The following OR5M11 variants were observed in gnomAD, a reference collection of about 807,000 sequenced individuals.
The protein encoded by OR5M11 is olfactory receptor 5M11.
For missense variants in OR5M11, 411 were observed against 375.8 expected (o/e 1.09, Z -0.77); for synonymous variants, 183 against 147.7 (o/e 1.24, Z -1.73).
Position 56,542,978 on chromosome 11 carries a change from C to G in OR5M11, c.280G>C (p.Ala94Pro), listed in dbSNP as rs1852856395. Residue 94 changes from alanine to proline, a missense_variant, in exon 1 of 1, where the codon GCT becomes CCT. Physicochemically the swap from Ala to Pro is conservative, Grantham distance 27. Coordinates refer to ENST00000528616, the MANE Select transcript of OR5M11 (RefSeq NM_001005245.1). ...ATGTAGCACTGTGTAAAGCAACCAG[C>G]AAAGGAAATGGTCTTCTCAGATACG... ...NIVSEKTISF[A>P]GCFTQCYIFI... The G allele has an allele frequency of 6.2e-7, 1 of 1,613,882 alleles. No individual in the cohort carries two copies. The highest frequency in any genetic ancestry group is 8.5e-7 in the Non-Finnish European group (1 of 1,179,946).
In OR5M11 at chr11:56,543,143, G is replaced by C. The variant is rs749106831; in HGVS notation, c.115C>G (p.Leu39Val). Residue 39 changes from leucine (L) to valine (V), a missense_variant, in exon 1 of 1, where the codon CTG becomes GTG. By Grantham distance (32) the Leu-to-Val change is conservative. Transcript: ENST00000528616. ...VLFLVVYLVT[L>V]LGNLGMIMLM... ...ATTATCATGCCCAGGTTGCCTAGCA[G>C]GGTGACGAGGTAAACAACCAGAAAC... is the stretch of plus-strand genomic sequence containing the variant. The C allele has an allele frequency of 1.2e-6, 2 of 1,613,794 alleles. No homozygotes were observed. Among genetic ancestry groups the C allele is most frequent in the African/African-American group, 2.7e-5 (2 of 74,910 alleles).
Position 56,542,916 on chromosome 11 carries a change from C to T in OR5M11, c.342G>A (p.Leu114=), listed in dbSNP as rs1852855470. 1 of 1,613,956 alleles carries T rather than the reference C, an allele frequency of 6.2e-7. No individual in the cohort carries two copies. The highest frequency in any genetic ancestry group is 8.5e-7 in the Non-Finnish European group (1 of 1,179,986). The change falls in exon 1 of 1, where the codon CTG becomes CTA. Residue 114 remains leucine, a synonymous_variant. Transcript: ENST00000528616. ...CATAGCGGTCATAGGCCATTGCTGC[C>T]AGCATGTAAAACTCAGTGAGTAGAA... is the stretch of plus-strand genomic sequence containing the variant. ...IALLLTEFYM[L]AAMAYDRYVA...
In OR5M11 at chr11:56,542,977, G is replaced by A. The variant is rs1852856360; in HGVS notation, c.281C>T (p.Ala94Val). 6.2e-7 allele frequency: 1 copy of A among 1,613,950 alleles called. No homozygotes were observed. Among genetic ancestry groups the A allele is most frequent in the South Asian group, 1.1e-5 (1 of 91,088 alleles). Reference protein sequence around the residue: ...NIVSEKTISFAGCFTQCYIFI... With the variant: ...NIVSEKTISFVGCFTQCYIFI... ...AATGTAGCACTGTGTAAAGCAACCA[G>A]CAAAGGAAATGGTCTTCTCAGATAC... The change falls in exon 1 of 1, where the codon GCT (alanine) becomes GTT (valine). Residue 94 changes from alanine to valine, a missense_variant. Coordinates refer to ENST00000528616, the MANE Select transcript of OR5M11 (RefSeq NM_001005245.1).
chr11:56,542,567 C>T lies in OR5M11; in HGVS notation c.691G>A (p.Glu231Lys), dbSNP rs1852847747. The T allele has an allele frequency of 1.9e-6, 3 of 1,614,008 alleles. No homozygotes were observed. In the East Asian group the frequency reaches 6.7e-5, roughly 36 times the overall value. The change falls in exon 1 of 1, where the codon GAG (glutamate) becomes AAG (lysine). Residue 231 changes from glutamate to lysine, a missense_variant. By Grantham distance (56) the Glu-to-Lys change is moderately conservative. Transcript: ENST00000528616. The part of the protein sequence containing the change: ...LAAILRIKSA[E>K]GRHKAFSTCG... ...GTGGAGAATGCCTTGTGCCTTCCCT[C>T]TGCTGATTTGATCCGGAGGATGGCA...
chr11:56,542,898 G>A lies in OR5M11; in HGVS notation c.360C>T (p.Asp120=), dbSNP rs1852855297. 6.2e-7 allele frequency: 1 copy of A among 1,614,038 alleles called. No individual in the cohort carries two copies. The highest frequency in any genetic ancestry group is 1.3e-5 in the African/African-American group (1 of 75,028). The part of the protein sequence containing the change: ...EFYMLAAMAY[D]RYVAIYDPLR... ...GAGGGTCATATATGGCCACATAGCG[G>A]TCATAGGCCATTGCTGCCAGCATGT... The change falls in exon 1 of 1, where the codon GAC becomes GAT. Residue 120 remains aspartate, a synonymous_variant. Transcript: ENST00000528616.
In OR5M11 at chr11:56,543,132, G is replaced by A. The variant is rs200286526; in HGVS notation, c.126C>T (p.Asn42=). The A allele has an allele frequency of 4.5e-5, 72 of 1,613,798 alleles. No homozygotes were observed. The Middle Eastern group carries it at 4.9e-4, about 11-fold the overall frequency. The part of the protein sequence containing the change: ...LVVYLVTLLG[N]LGMIMLMRLD... ...GTCTCATTAACATTATCATGCCCAGGTTGCCTAGCAGGGTGACGAGGTAAA... is the reference window on the plus strand; with the variant it reads ...GTCTCATTAACATTATCATGCCCAGATTGCCTAGCAGGGTGACGAGGTAAA... The change falls in exon 1 of 1, where the codon AAC becomes AAT. Residue 42 remains asparagine, a synonymous_variant. Transcript: ENST00000528616.
rs116068549 is a variant in OR5M11 at position 56,542,897 on chromosome 11, G to C, written c.361C>G (p.Arg121Gly). The change falls in exon 1 of 1, where the codon CGC becomes GGC. Residue 121 changes from arginine to glycine, a missense_variant. Arg to Gly is a moderately radical substitution (Grantham distance 125). Transcript: ENST00000528616. ...FYMLAAMAYD[R>G]YVAIYDPLRY... ...AGAGGGTCATATATGGCCACATAGC[G>C]GTCATAGGCCATTGCTGCCAGCATG... 1 of 1,613,990 alleles carries C rather than the reference G, an allele frequency of 6.2e-7. No homozygotes were observed. The highest frequency in any genetic ancestry group is 1.1e-5 in the South Asian group (1 of 91,078).
At position 56,542,842 on chromosome 11, in the gene OR5M11, A is replaced by G; in HGVS notation, c.416T>C (p.Val139Ala). ...LRYSVKTSRR[V>A]CICLATFPYV... is the part of the protein sequence containing the mutation. ...GGGAAATGTGGCCAAGCAGATGCAA[A>G]CTCTCCTGGACGTTTTCACACTGTA... is the stretch of plus-strand genomic sequence containing the variant. Residue 139 changes from valine (V) to alanine (A), a missense_variant, in exon 1 of 1, where the codon GTT becomes GCT. By Grantham distance (64) the Val-to-Ala change is moderately conservative (BLOSUM62 0). Coordinates refer to ENST00000528616, the MANE Select transcript of OR5M11 (RefSeq NM_001005245.1). 5 of 1,613,790 alleles carry G rather than the reference A, an allele frequency of 3.1e-6. No individual in the cohort carries two copies. Among genetic ancestry groups the G allele is most frequent in the Non-Finnish European group, 4.2e-6 (5 of 1,179,906 alleles).
rs1232629852 is a variant in OR5M11, at chr11:56,542,925, A to AAACTCAGTG, written c.324_332dup (p.Thr109_Phe111dup). The AAACTCAGTG allele has an allele frequency of 4.3e-6, 7 of 1,613,962 alleles. No homozygotes were observed. In the Admixed American group the frequency reaches 5.0e-5, roughly 12 times the overall value. ...CATAGGCCATTGCTGCCAGCATGTA[A>AAACTCAGTG]AACTCAGTGAGTAGAAGGGCAATGA... is the stretch of plus-strand genomic sequence containing the variant. On this transcript the variant is annotated inframe_insertion, in exon 1 of 1. Coordinates refer to ENST00000528616, the MANE Select transcript of OR5M11 (RefSeq NM_001005245.1).
chr11:56,543,117 C>A lies in OR5M11; in HGVS notation c.141G>T (p.Met47Ile). The change falls in exon 1 of 1, where the codon ATG (methionine) becomes ATT (isoleucine). Residue 47 changes from methionine (M) to isoleucine (I), a missense_variant. Transcript: ENST00000528616. ...VTLLGNLGMIMLMRLDSRLHT... is the reference protein window; with the variant it reads ...VTLLGNLGMIILMRLDSRLHT... ...GAAGGCGAGAGTCCAGTCTCATTAA[C>A]ATTATCATGCCCAGGTTGCCTAGCA... 6.2e-7 allele frequency: 1 copy of A among 1,613,992 alleles called. No individual in the cohort carries two copies. Among genetic ancestry groups the A allele is most frequent in the South Asian group, 1.1e-5 (1 of 91,084 alleles).
Position 56,542,842 on chromosome 11 carries a change from A to T in OR5M11, c.416T>A (p.Val139Asp). The change falls in exon 1 of 1, where the codon GTT becomes GAT. Residue 139 changes from valine (V) to aspartate (D), a missense_variant. Transcript: ENST00000528616. Reference protein sequence around the residue: ...LRYSVKTSRRVCICLATFPYV... With the variant: ...LRYSVKTSRRDCICLATFPYV... ...GGGAAATGTGGCCAAGCAGATGCAA[A>T]CTCTCCTGGACGTTTTCACACTGTA... 2 of 1,613,790 alleles carry T rather than the reference A, an allele frequency of 1.2e-6. No individual in the cohort carries two copies. The highest frequency in any genetic ancestry group is 1.7e-6 in the Non-Finnish European group (2 of 1,179,906).
Position 56,542,460 on chromosome 11 carries a change from A to T in OR5M11, c.798T>A (p.Thr266=). 1 of 1,613,832 alleles carries T rather than the reference A, an allele frequency of 6.2e-7. No individual in the cohort carries two copies. Among genetic ancestry groups the T allele is most frequent in the Non-Finnish European group, 8.5e-7 (1 of 1,179,722 alleles). ...CAGCTATTATTTTAGATTCCTCAAC[A>T]GTCTTATCTGTTGGTGGTCTTATAT... is the stretch of plus-strand genomic sequence containing the variant. ...CMYIRPPTDK[T]VEESKIIAVF... The change falls in exon 1 of 1, where the codon ACT becomes ACA. Residue 266 remains threonine (T), a synonymous_variant. Transcript: ENST00000528616.
chr11:56,542,853 C>T lies in OR5M11; in HGVS notation c.405G>A (p.Thr135=), dbSNP rs753561224. ...CCAAGCAGATGCAAACTCTCCTGGA[C>T]GTTTTCACACTGTAGCGCAGAGGGT... ...IYDPLRYSVK[T]SRRVCICLAT... Residue 135 remains threonine (T), a synonymous_variant, in exon 1 of 1, where the codon ACG becomes ACA. Coordinates refer to ENST00000528616, the MANE Select transcript of OR5M11 (RefSeq NM_001005245.1). 2.5e-6 allele frequency: 4 copies of T among 1,613,848 alleles called. No homozygotes were observed. Among genetic ancestry groups the T allele is most frequent in the Non-Finnish European group, 3.4e-6 (4 of 1,179,992 alleles).
rs148809611 is a variant in OR5M11, at chr11:56,542,835, G to A, written c.423C>T (p.Ile141=). ...YSVKTSRRVC[I]CLATFPYVYG... ...AGACATAGGGAAATGTGGCCAAGCA[G>A]ATGCAAACTCTCCTGGACGTTTTCA... The change falls in exon 1 of 1, where the codon ATC becomes ATT. Residue 141 remains isoleucine (I), a synonymous_variant. Coordinates refer to ENST00000528616, the MANE Select transcript of OR5M11 (RefSeq NM_001005245.1). The A allele has an allele frequency of 7.9e-4, 1,278 of 1,613,926 alleles. 15 individuals carry two copies. The African/African-American group carries it at 0.015, about 19-fold the overall frequency.
Position 56,542,671 on chromosome 11 carries a change from T to A in OR5M11, c.587A>T (p.His196Leu), listed in dbSNP as rs1349966977. 3 of 1,613,918 alleles carry A rather than the reference T, an allele frequency of 1.9e-6. No individual in the cohort carries two copies. Residue 196 changes from histidine to leucine, a missense_variant, in exon 1 of 1, where the codon CAT becomes CTT. His to Leu is a moderately conservative substitution (Grantham distance 99, BLOSUM62 -3). Transcript: ENST00000528616. ...LSCSDTYVKE[H>L]AMFISAGFNL... is the part of the protein sequence containing the mutation. ...GAAGCCAGCAGATATGAACATGGCA[T>A]GCTCTTTGACATAAGTATCAGAACA...
In OR5M11 at chr11:56,542,361, G is replaced by T; in HGVS notation, c.897C>A (p.Ala299=). The T allele has an allele frequency of 6.3e-7, 1 of 1,597,822 alleles. No individual in the cohort carries two copies. Among genetic ancestry groups the T allele is most frequent in the Non-Finnish European group, 8.5e-7 (1 of 1,170,338 alleles). The change falls in exon 1 of 1, where the codon GCC becomes GCA. Residue 299 remains alanine (A), a synonymous_variant. Coordinates refer to ENST00000528616, the MANE Select transcript of OR5M11 (RefSeq NM_001005245.1). ...TATTTCATCTCAGGACATTCTTCAA[G>T]GCCTGCTTCACATCTTTATTCCTCA... ...YSLRNKDVKQ[A]LKNVLR
chr11:56,542,834 A>T lies in OR5M11; in HGVS notation c.424T>A (p.Cys142Ser). 1.2e-6 allele frequency: 2 copies of T among 1,613,962 alleles called. No homozygotes were observed. The highest frequency in any genetic ancestry group is 2.7e-5 in the African/African-American group (2 of 75,040). ...TAGACATAGGGAAATGTGGCCAAGCAGATGCAAACTCTCCTGGACGTTTTC... is the reference window on the plus strand; with the variant it reads ...TAGACATAGGGAAATGTGGCCAAGCTGATGCAAACTCTCCTGGACGTTTTC... ...SVKTSRRVCI[C>S]LATFPYVYGF... Residue 142 changes from cysteine (C) to serine (S), a missense_variant, in exon 1 of 1, where the codon TGC becomes AGC. Physicochemically the swap from Cys to Ser is moderately radical, Grantham distance 112 (BLOSUM62 -1). Coordinates refer to ENST00000528616, the MANE Select transcript of OR5M11 (RefSeq NM_001005245.1).
Position 56,543,036 on chromosome 11 carries a change from T to C in OR5M11, c.222A>G (p.Thr74=). 1 of 1,613,876 alleles carries C rather than the reference T, an allele frequency of 6.2e-7. No individual in the cohort carries two copies. Among genetic ancestry groups the C allele is most frequent in the Non-Finnish European group, 8.5e-7 (1 of 1,179,800 alleles). The change falls in exon 1 of 1, where the codon ACA becomes ACG. Residue 74 remains threonine (T), a synonymous_variant. Coordinates refer to ENST00000528616, the MANE Select transcript of OR5M11 (RefSeq NM_001005245.1). ...TNLAFVDLCY[T]SNATPQMSTN... ...TCGACATCTGCGGGGTTGCATTTGA[T>C]GTATAGCACAAATCCACAAAGGCTA... is the stretch of plus-strand genomic sequence containing the variant.
Position 56,543,007 on chromosome 11 carries a change from T to C in OR5M11, c.251A>G (p.Asn84Ser). The change falls in exon 1 of 1, where the codon AAT becomes AGT. Residue 84 changes from asparagine to serine, a missense_variant. Physicochemically the swap from Asn to Ser is conservative, Grantham distance 46 (BLOSUM62 1). Coordinates refer to ENST00000528616, the MANE Select transcript of OR5M11 (RefSeq NM_001005245.1). ...GGAAATGGTCTTCTCAGATACGATA[T>C]TAGTCGACATCTGCGGGGTTGCATT... ...TSNATPQMST[N>S]IVSEKTISFA... The C allele has an allele frequency of 6.2e-7, 1 of 1,613,996 alleles. No homozygotes were observed. The highest frequency in any genetic ancestry group is 8.5e-7 in the Non-Finnish European group (1 of 1,179,888).
Sources: gnomAD v4.1 joint callset for allele counts on GRCh38, gnomAD v4.1.1 for gene constraint, MANE v1.5 for transcripts, NCBI Gene and HGNC (gene_info 2026-07-23, HGNC 2026-07-21) for gene names.